The following IL17RD variants were observed in gnomAD, a reference collection of about 807,000 sequenced individuals.
IL17RD encodes the protein interleukin 17 receptor D, also known as interleukin-17 receptor D.
Under a neutral mutation model 80.5 loss-of-function variants are expected in IL17RD, and 52 were observed. That is an observed-to-expected ratio of 0.65 (90% CI 0.52 to 0.81). The LOEUF is 0.81. Ranked by LOEUF, IL17RD falls within the 40% of genes least tolerant of loss-of-function variation. IL17RD has a pLI of 0.00. For missense variants in IL17RD, 1,024 were observed against 955.1 expected (o/e 1.07, Z -0.95); for synonymous variants, 416 against 391.8 (o/e 1.06, Z -0.73).
Position 57,141,677 on chromosome 3 carries a change from G to GA in IL17RD, c.127-21365dup, listed in dbSNP as rs950231109. 1.9e-4 allele frequency among the ~76,000 whole-genome samples: 28 copies of GA among 149,608 alleles called. No homozygotes were observed. The South Asian group carries it at 4.9e-3, about 26-fold the overall frequency. Reference sequence around the variant, plus strand: ...TTGTTATAATAAACATTTCTGGGAGGAAAAAAAAAGCTTGACACTCTAAGT... The same window carrying GA: ...TTGTTATAATAAACATTTCTGGGAGGAAAAAAAAAAGCTTGACACTCTAAGT... On this transcript the variant is annotated intron_variant, in intron 1 of 12. Coordinates refer to ENST00000296318, the MANE Select transcript of IL17RD (RefSeq NM_017563.5).
chr3:57,109,915 G>A (rs188419908), intron 4 of IL17RD, among the ~76,000 whole-genome samples: 46 of 152,344 alleles, frequency 3.0e-4, no homozygotes, highest in Admixed American at 2.3e-3. Flanking sequence ...GAGTTGGGGC[G>A]CAGGGTGAGC....
intron 1 of IL17RD, among the ~76,000 whole-genome samples, chr3:57,148,045 G>A (rs1338287160): frequency 8.6e-5 from 12 of 139,724 alleles, no homozygotes; most frequent in African/African-American, 2.9e-4. Context: ...TGTTGGGCAC[G>A]GTGGCTCACA....
chr3:57,092,267 A>G lies in IL17RD; in HGVS notation c.*4126T>C, dbSNP rs939268853. 2.0e-5 allele frequency: 3 copies of G among 152,502 alleles called. No individual in the cohort carries two copies. Among genetic ancestry groups the G allele is most frequent in the African/African-American group, 7.2e-5 (3 of 41,382 alleles). 9.4% of individuals were successfully genotyped at this position (152,502 alleles called of 1,614,324 possible). ...ATTATGCCAAGAGCTAAAACTATAAACAAAGCCCTTTAGGTTGTGGAGTTT... is the reference window on the plus strand; with the variant it reads ...ATTATGCCAAGAGCTAAAACTATAAGCAAAGCCCTTTAGGTTGTGGAGTTT... On this transcript the variant is annotated 3_prime_UTR_variant, in exon 13 of 13. Transcript: ENST00000296318.
At chr3:57,135,164 G>A (rs1707699600) in intron 1 of IL17RD, among the ~76,000 whole-genome samples, 1 of 152,158 alleles carries the variant, frequency 6.6e-6, no homozygotes, top group Admixed American at 6.5e-5. Flanking sequence ...CAAAGAATGG[G>A]GAGCTGGGTC....
intron 1 of IL17RD, among the ~76,000 whole-genome samples, chr3:57,133,902 C>T (rs538504361): frequency 3.9e-5 from 6 of 152,252 alleles, no homozygotes; most frequent in Admixed American, 3.3e-4. Context: ...ATGTATCTTG[C>T]CACTTCATTA....
intron 1 of IL17RD, among the ~76,000 whole-genome samples, chr3:57,152,847 C>A (rs1192556321): frequency 5.3e-5 from 8 of 152,088 alleles, no homozygotes; most frequent in Non-Finnish European, 1.2e-4. Context: ...AGTAAAGTAG[C>A]CTTTACTGGA....
At chr3:57,126,501 C>T (rs943158498) in intron 1 of IL17RD, among the ~76,000 whole-genome samples, 2 of 152,172 alleles carry the variant, frequency 1.3e-5, no homozygotes, top group Non-Finnish European at 2.9e-5. Flanking sequence ...ACAGAGAGGC[C>T]GGCAGCGGAG....
intron 1 of IL17RD, among the ~76,000 whole-genome samples, chr3:57,156,602 T>G (rs1324992983): frequency 6.6e-6 from 1 of 152,090 alleles, no homozygotes; most frequent in Admixed American, 6.5e-5. Flanking sequence ...AAATCAGACC[T>G]AACACACAGA....
chr3:57,139,521 T>C lies in IL17RD; in HGVS notation c.127-19208A>G, dbSNP rs910469192. Among the ~76,000 whole-genome samples the C allele has an allele frequency of 2.4e-4, 36 of 151,786 alleles. No homozygotes were observed. In the South Asian group the frequency reaches 7.3e-3, roughly 31 times the overall value. On this transcript the variant is annotated intron_variant, in intron 1 of 12. Coordinates refer to ENST00000296318, the MANE Select transcript of IL17RD (RefSeq NM_017563.5). The stretch of plus-strand genomic sequence containing the variant: ...TACATGCAATGAAAATTTCCTTTTT[T>C]TTTTTTTTTTGAGACGGGGTCTTGC...
chr3:57,147,984 T>C (rs1310718074), intron 1 of IL17RD, among the ~76,000 whole-genome samples: 2 of 151,570 alleles, frequency 1.3e-5, no homozygotes, highest in African/African-American at 4.9e-5. Context: ...CCATCCAGGA[T>C]GTTCTCTTCC....
upstream of IL17RD, among the ~76,000 whole-genome samples, chr3:57,165,767 A>G (rs572773283): frequency 3.9e-5 from 6 of 152,180 alleles, no homozygotes; most frequent in Admixed American, 6.5e-5. Flanking sequence ...TTTTAGGCGC[A>G]GAAAAGTTAG....
At chr3:57,163,802 A>AGGGGG (rs1559489790) in intron 1 of IL17RD, among the ~76,000 whole-genome samples, 1 of 7,376 alleles carries the variant, frequency 1.4e-4, no homozygotes, top group Non-Finnish European at 2.9e-4. Flanking sequence ...GCGGGGGGGG[A>AGGGGG]AGGGGGTGGC....
chr3:57,160,230 A>T (rs2060294529), intron 1 of IL17RD, among the ~76,000 whole-genome samples: 1 of 152,094 alleles, frequency 6.6e-6, no homozygotes. Flanking sequence ...GGGTAGCCCC[A>T]GCAGGAGCAG....
intron 1 of IL17RD, among the ~76,000 whole-genome samples, chr3:57,152,946 AAACACAGGTCTTTAATAGGAACTC>A (rs1285348964): frequency 6.6e-6 from 1 of 152,194 alleles, no homozygotes; most frequent in Non-Finnish European, 1.5e-5. Context: ...TGCCCCGGCC[AAACACAGGTCTTTAATAGGAACTC>A]ATTCCCCGTC....
intron 2 of IL17RD, among the ~76,000 whole-genome samples, chr3:57,119,376 AAAC>A (rs1373034253): frequency 6.6e-6 from 1 of 151,606 alleles, no homozygotes; most frequent in Non-Finnish European, 1.5e-5. Flanking sequence ...CAAAAACAAA[AAAC>A]AAAACTAGGT....
intron 1 of IL17RD, among the ~76,000 whole-genome samples, chr3:57,156,638 G>C (rs2060269036): frequency 6.6e-6 from 1 of 152,174 alleles, no homozygotes; most frequent in Non-Finnish European, 1.5e-5. Flanking sequence ...CTCAATGAAT[G>C]AATGGCCACT....
intron 1 of IL17RD, among the ~76,000 whole-genome samples, chr3:57,138,186 G>T (rs1427395700): frequency 6.6e-6 from 1 of 152,154 alleles, no homozygotes; most frequent in Non-Finnish European, 1.5e-5. Context: ...GGTGGTGATG[G>T]TTGCAAAACA....
Position 57,105,933 on chromosome 3 carries a change from T to C in IL17RD, c.671A>G (p.Asn224Ser), listed in dbSNP as rs1483976034. The C allele has an allele frequency of 3.1e-6, 5 of 1,613,778 alleles. No individual in the cohort carries two copies. Among genetic ancestry groups the C allele is most frequent in the African/African-American group, 1.3e-5 (1 of 74,884 alleles). Reference protein sequence around the residue: ...MQVSFDHAPHNFGFRFFYLHY... With the variant: ...MQVSFDHAPHSFGFRFFYLHY... ...AAGATAGAAGAAACGGAAGCCGAAG[T>C]TGTGCGGTGCATGGTCGAAGGACAC... is the stretch of plus-strand genomic sequence containing the variant. Residue 224 changes from asparagine to serine, a missense_variant, in exon 7 of 13, where the codon AAC becomes AGC. Asn to Ser is a conservative substitution (Grantham distance 46, BLOSUM62 1). Transcript: ENST00000296318.
At chr3:57,159,774 C>T (rs1250503684) in intron 1 of IL17RD, among the ~76,000 whole-genome samples, 1 of 152,238 alleles carries the variant, frequency 6.6e-6, no homozygotes, top group Non-Finnish European at 1.5e-5. Context: ...ACCTGTCAAG[C>T]TCCCTGATAG....
Sources: gnomAD v4.1 joint callset for allele counts (sites outside exome capture counted in the v4.1 genomes callset) on GRCh38, gnomAD v4.1.1 for gene constraint, MANE v1.5 for transcripts, NCBI Gene and HGNC (gene_info 2026-07-23, HGNC 2026-07-21) for gene names.